Variants in VTI1A observed in about 807,000 individuals in gnomAD.
The protein encoded by VTI1A is vesicle transport through interaction with t-SNAREs homolog 1A.
Under a neutral mutation model 34.9 loss-of-function variants are expected in VTI1A, and 22 were observed. The observed-to-expected ratio is 0.63, with a 90% CI of 0.45 to 0.90. The LOEUF is 0.90. Ranked by LOEUF, VTI1A falls within the 40% of genes least tolerant of loss-of-function variation. The pLI, the probability that VTI1A is intolerant of heterozygous loss-of-function variation, is 0.00. For missense variants in VTI1A, 268 were observed against 275.6 expected (o/e 0.97, Z 0.20); for synonymous variants, 87 against 97.3 (o/e 0.89, Z 0.62).
At chr10:112,701,429 T>C (rs1849005812) in intron 7 of VTI1A, among the ~76,000 whole-genome samples, 4 of 152,212 alleles carry the variant, frequency 2.6e-5, no homozygotes, top group Admixed American at 2.0e-4. Flanking sequence ...GAATTGCTCA[T>C]ACAAATATCT....
intron 5 of VTI1A, among the ~76,000 whole-genome samples, chr10:112,592,616 A>G (rs1844436246): frequency 6.6e-6 from 1 of 152,230 alleles, no homozygotes; most frequent in Non-Finnish European, 1.5e-5. Flanking sequence ...TTTGATTTAC[A>G]TCCACATATT....
chr10:112,610,732 T>C (rs968296064), intron 5 of VTI1A, among the ~76,000 whole-genome samples: 8 of 151,950 alleles, frequency 5.3e-5, no homozygotes, highest in Admixed American at 1.3e-4. Context: ...CTGGCTAACA[T>C]GGTGAAACCC....
intron 7 of VTI1A, among the ~76,000 whole-genome samples, chr10:112,794,386 T>C (rs1852598841): frequency 6.6e-6 from 1 of 151,946 alleles, no homozygotes; most frequent in Non-Finnish European, 1.5e-5. Context: ...TAAGACCCCA[T>C]TGCTACAAAA....
At chr10:112,487,349 C>T (rs1848676008) in intron 3 of VTI1A, among the ~76,000 whole-genome samples, 1 of 152,208 alleles carries the variant, frequency 6.6e-6, no homozygotes, top group Admixed American at 6.5e-5. Flanking sequence ...GTCTCAAACT[C>T]CTGACCTCAA....
At chr10:112,459,940 C>T (rs1477307467) in intron 1 of VTI1A, among the ~76,000 whole-genome samples, 1 of 152,048 alleles carries the variant, frequency 6.6e-6, no homozygotes, top group Non-Finnish European at 1.5e-5. Flanking sequence ...TTAGAGAGTA[C>T]AGAGTGAGTC....
chr10:112,554,840 A>G (rs1851488381), intron 5 of VTI1A, among the ~76,000 whole-genome samples: 1 of 152,060 alleles, frequency 6.6e-6, no homozygotes, highest in Admixed American at 6.6e-5. Flanking sequence ...AAACAACAAT[A>G]TGAACTTTTA....
chr10:112,712,623 C>G (rs1284715803), intron 7 of VTI1A, among the ~76,000 whole-genome samples: 5 of 152,036 alleles, frequency 3.3e-5, no homozygotes, highest in Non-Finnish European at 7.4e-5. Flanking sequence ...CCTTTCCCTT[C>G]CTAAAGAATC....
chr10:112,670,579 A>T (rs1847811282), intron 7 of VTI1A, among the ~76,000 whole-genome samples: 2 of 152,192 alleles, frequency 1.3e-5, no homozygotes, highest in Admixed American at 1.3e-4. Context: ...TATTTCAACA[A>T]ATAAAGCATC....
At chr10:112,546,638 A>G (rs1564821824) in intron 5 of VTI1A, among the ~76,000 whole-genome samples, 2 of 152,032 alleles carry the variant, frequency 1.3e-5, no homozygotes, top group Non-Finnish European at 2.9e-5. Context: ...TTGTCAAAAC[A>G]CATTTTATCT....
chr10:112,701,199 C>T (rs761301537), intron 7 of VTI1A, among the ~76,000 whole-genome samples: 3 of 152,180 alleles, frequency 2.0e-5, no homozygotes, highest in Non-Finnish European at 4.4e-5. Flanking sequence ...TTAAAGGTGA[C>T]TGAAATCCTT....
At position 112,475,412 on chromosome 10, in the gene VTI1A, ATTTAATT is replaced by A. The variant is rs1848247031; in HGVS notation, c.264+10756_264+10762del. 8.5e-5 allele frequency among the ~76,000 whole-genome samples: 13 copies of A among 152,322 alleles called. No homozygotes were observed. The South Asian group carries it at 2.7e-3, about 32-fold the overall frequency. On this transcript the variant is annotated intron_variant, in intron 3 of 7. Transcript: ENST00000393077. ...GTCAGATTCCTGATTGAATTCTGCAATTTAATTGCAGTTTTTTTCCTACCTTACTTAA... is the reference window on the plus strand; with the variant it reads ...GTCAGATTCCTGATTGAATTCTGCAAGCAGTTTTTTTCCTACCTTACTTAA...
chr10:112,708,679 C>A (rs7907540), intron 7 of VTI1A, among the ~76,000 whole-genome samples: 48,414 of 152,040 alleles, frequency 0.32, 8,661 homozygotes, highest in East Asian at 0.53. Context: ...AACTGAAGAA[C>A]TTTTGGATGG....
chr10:112,766,599 G>T (rs1851653402), intron 7 of VTI1A, among the ~76,000 whole-genome samples: 1 of 151,568 alleles, frequency 6.6e-6, no homozygotes, highest in African/African-American at 2.4e-5. Context: ...ATACTTCAAA[G>T]AGGAGAGAAA....
the VTI1A span, among the ~76,000 whole-genome samples, chr10:112,845,276 C>T: frequency 6.6e-6 from 1 of 152,176 alleles, no homozygotes; most frequent in Non-Finnish European, 1.5e-5. Context: ...GCAGGACGGC[C>T]AGGCAGACAC....
intron 7 of VTI1A, among the ~76,000 whole-genome samples, chr10:112,805,067 T>C (rs1212991853): frequency 1.3e-5 from 2 of 151,678 alleles, no homozygotes; most frequent in East Asian, 3.9e-4. Flanking sequence ...GGTCTCACCA[T>C]GTTGCCCAGG....
chr10:112,524,700 G>A (rs1054469899), intron 3 of VTI1A, among the ~76,000 whole-genome samples: 1 of 152,076 alleles, frequency 6.6e-6, no homozygotes, highest in Non-Finnish European at 1.5e-5. Context: ...AGAGTATAAT[G>A]TAATTGAACA....
At chr10:112,647,692 G>A (rs1846854404) in intron 5 of VTI1A, among the ~76,000 whole-genome samples, 1 of 152,148 alleles carries the variant, frequency 6.6e-6, no homozygotes, top group Non-Finnish European at 1.5e-5. Context: ...TTTATTATCA[G>A]TATAGAAAGG....
At chr10:112,597,594 C>A (rs1006341829) in intron 5 of VTI1A, among the ~76,000 whole-genome samples, 1 of 119,662 alleles carries the variant, frequency 8.4e-6, no homozygotes, top group East Asian at 2.3e-4. Context: ...ATAGTCCTAG[C>A]TATGGCCGAG....
In VTI1A at chr10:112,685,258, G is replaced by A. The variant is rs1848363850; in HGVS notation, c.560+16260G>A. Among the ~76,000 whole-genome samples the A allele has an allele frequency of 1.3e-5, 2 of 152,062 alleles. 1 individual carries two copies. Among genetic ancestry groups the A allele is most frequent in the Non-Finnish European group, 2.9e-5 (2 of 68,024 alleles). On this transcript the variant is annotated intron_variant, in intron 7 of 7. Transcript: ENST00000393077. ...TTGCTTCCATTTCAAATTTTCTGGT[G>A]TCAGGATCATCCATGATTCTCACAC...
Sources: gnomAD v4.1 joint callset for allele counts (sites outside exome capture counted in the v4.1 genomes callset) on GRCh38, gnomAD v4.1.1 for gene constraint, MANE v1.5 for transcripts, NCBI Gene and HGNC (gene_info 2026-07-23, HGNC 2026-07-21) for gene names.